Variants in PTPRM observed in about 807,000 individuals in gnomAD.
PTPRM encodes receptor-type tyrosine-protein phosphatase mu.
PTPRM carries 47 observed loss-of-function variants against 186.7 expected under a neutral mutation model. That is an observed-to-expected ratio of 0.25 (90% CI 0.20 to 0.32). PTPRM has a LOEUF of 0.32. Ranked by LOEUF, PTPRM falls within the 10% of genes least tolerant of loss-of-function variation. The probability of loss-of-function intolerance (pLI) is 1.00; values close to 1 mark genes in which losing one functional copy is unlikely to be tolerated. For synonymous variants in PTPRM, 668 were observed against 674.9 expected, an observed-to-expected ratio of 0.99 and a Z score of 0.16; for missense variants, 1,494 against 1,865.0, an observed-to-expected ratio of 0.80 and a Z score of 3.66.
At chr18:8,023,428 A>G (rs750609362) in intron 7 of PTPRM, among the ~76,000 whole-genome samples, 5 of 152,140 alleles carry the variant, frequency 3.3e-5, no homozygotes, top group Non-Finnish European at 7.4e-5. Context: ...AAAAGACCAT[A>G]TTGGTCATCT....
In PTPRM at chr18:7,759,354, A is replaced by G. The variant is rs113179070; in HGVS notation, c.74-14795A>G. 7.0e-3 allele frequency among the ~76,000 whole-genome samples: 1,065 copies of G among 152,348 alleles called. 12 individuals carry two copies. The highest frequency in any genetic ancestry group is 0.024 in the African/African-American group (1,009 of 41,576). On this transcript the variant is annotated intron_variant, in intron 1 of 32. Transcript: ENST00000580170. Reference sequence around the variant, plus strand: ...AAATATAAAATTACCCACTCAGACTATTAAAACCAAATATATGGTGACACT... The same window carrying G: ...AAATATAAAATTACCCACTCAGACTGTTAAAACCAAATATATGGTGACACT...
chr18:8,151,044 C>G (rs2080108), intron 14 of PTPRM, among the ~76,000 whole-genome samples: 4,578 of 152,276 alleles, frequency 0.03, 237 homozygotes, highest in African/African-American at 0.11. Context: ...GCTCAGAGCT[C>G]TCCTGTATGA....
intron 1 of PTPRM, among the ~76,000 whole-genome samples, chr18:7,741,036 T>C (rs531758290): frequency 3.9e-5 from 6 of 152,298 alleles, no homozygotes; most frequent in African/African-American, 1.4e-4. Context: ...AAGTGCTTTC[T>C]TTCCCCCGTG....
intron 14 of PTPRM, among the ~76,000 whole-genome samples, chr18:8,164,286 T>G (rs1316141917): frequency 6.6e-6 from 1 of 152,142 alleles, no homozygotes; most frequent in Non-Finnish European, 1.5e-5. Flanking sequence ...GTGAAAAAGG[T>G]TCTATGCTGG....
intron 14 of PTPRM, among the ~76,000 whole-genome samples, chr18:8,182,044 C>T (rs2093582921): frequency 6.6e-6 from 1 of 152,082 alleles, no homozygotes. Flanking sequence ...TCTAATTTAA[C>T]TATTTTTTTC....
intron 7 of PTPRM, among the ~76,000 whole-genome samples, chr18:8,037,493 T>C (rs1042644902): frequency 1.3e-5 from 2 of 152,176 alleles, no homozygotes; most frequent in African/African-American, 2.4e-5. Flanking sequence ...GAAGCCTATA[T>C]TGAGTTAACT....
chr18:8,267,723 C>T (rs1025839031), intron 19 of PTPRM, among the ~76,000 whole-genome samples: 1 of 152,170 alleles, frequency 6.6e-6, no homozygotes, highest in Admixed American at 6.5e-5. Context: ...AACCTGTTTT[C>T]ATGAAGGTTG....
intron 7 of PTPRM, among the ~76,000 whole-genome samples, chr18:8,051,736 T>C (rs1277576123): frequency 6.6e-6 from 1 of 152,202 alleles, no homozygotes; most frequent in African/African-American, 2.4e-5. Flanking sequence ...TCAGTAAATA[T>C]TTGGATTGTT....
At chr18:7,703,468 C>T (rs2040009480) in intron 1 of PTPRM, among the ~76,000 whole-genome samples, 2 of 152,176 alleles carry the variant, frequency 1.3e-5, no homozygotes, top group South Asian at 4.1e-4. Flanking sequence ...GTTTGCCTCT[C>T]TGTTGGTCTA....
intron 14 of PTPRM, among the ~76,000 whole-genome samples, chr18:8,196,633 G>T (rs2093782021): frequency 6.6e-6 from 1 of 152,228 alleles, no homozygotes; most frequent in African/African-American, 2.4e-5. Context: ...TCAACACGAA[G>T]TCAGTTAAGG....
intron 13 of PTPRM, among the ~76,000 whole-genome samples, chr18:8,138,584 G>A (rs377668935): frequency 6.6e-6 from 1 of 152,088 alleles, no homozygotes; most frequent in African/African-American, 2.4e-5. Flanking sequence ...GGAAAATGAA[G>A]CCATCAAAAG....
At chr18:8,289,398 GTATA>G (rs1393956158) in intron 19 of PTPRM, among the ~76,000 whole-genome samples, 1 of 138,370 alleles carries the variant, frequency 7.2e-6, no homozygotes, top group Non-Finnish European at 1.5e-5. Context: ...TTGTGTGTGT[GTATA>G]TATATATATA....
At chr18:8,292,807 C>T (rs2095056092) in intron 19 of PTPRM, among the ~76,000 whole-genome samples, 1 of 152,104 alleles carries the variant, frequency 6.6e-6, no homozygotes, top group African/African-American at 2.4e-5. Context: ...TTTTAATATT[C>T]TTTTGTTGTA....
chr18:8,336,307 C>T (rs12966511), intron 22 of PTPRM, among the ~76,000 whole-genome samples: 41,892 of 151,952 alleles, frequency 0.28, 6,455 homozygotes, highest in Middle Eastern at 0.52. Flanking sequence ...CCCTGCAATC[C>T]CAGCACTTTG....
chr18:8,101,939 C>T (rs2091308980), intron 11 of PTPRM, among the ~76,000 whole-genome samples: 1 of 152,148 alleles, frequency 6.6e-6, no homozygotes, highest in African/African-American at 2.4e-5. Flanking sequence ...CTAGTACAGG[C>T]ATATCTTGGA....
chr18:8,121,248 A>G (rs1282908588), intron 13 of PTPRM, among the ~76,000 whole-genome samples: 1 of 152,212 alleles, frequency 6.6e-6, no homozygotes, highest in South Asian at 2.1e-4. Flanking sequence ...AATATTATGC[A>G]GCAGCAGTTT....
intron 7 of PTPRM, among the ~76,000 whole-genome samples, chr18:7,991,449 AAGAAC>A (rs1397305059): frequency 6.6e-6 from 1 of 152,144 alleles, no homozygotes; most frequent in Non-Finnish European, 1.5e-5. Context: ...TGAGGTGACA[AAGAAC>A]AGAGGCAAAT....
rs146158724 is a variant in PTPRM, at chr18:8,039,679, T to C, written c.1133-30007T>C. ...TTTTTTGTAGTGAGAATACTTAAAATCTACTCTCCCAGCGATTTTCAAGTA... is the reference window on the plus strand; with the variant it reads ...TTTTTTGTAGTGAGAATACTTAAAACCTACTCTCCCAGCGATTTTCAAGTA... On this transcript the variant is annotated intron_variant, in intron 7 of 32. Coordinates refer to ENST00000580170, the MANE Select transcript of PTPRM (RefSeq NM_001105244.2). Among the ~76,000 whole-genome samples the C allele has an allele frequency of 6.2e-4, 95 of 152,306 alleles. 1 individual carries two copies. The highest frequency in any genetic ancestry group is 5.8e-3 in the East Asian group (30 of 5,178).
In PTPRM at chr18:8,233,133, T is replaced by C. The variant is rs144035328; in HGVS notation, c.2301-10925T>C. 4.1e-3 allele frequency among the ~76,000 whole-genome samples: 631 copies of C among 152,356 alleles called. 7 individuals carry two copies. Among genetic ancestry groups the C allele is most frequent in the Middle Eastern group, 0.01 (3 of 294 alleles). The stretch of plus-strand genomic sequence containing the variant: ...ATAAACAGTTTGCTGTTTGATCATA[T>C]AGCCTCCAGTGGAATGCTGAGCTAG... On this transcript the variant is annotated intron_variant, in intron 14 of 32. Transcript: ENST00000580170.
Sources: allele counts gnomAD v4.1 joint callset (sites outside exome capture counted in the v4.1 genomes callset), GRCh38; gene constraint gnomAD v4.1.1; transcripts MANE v1.5; gene names NCBI Gene and HGNC (gene_info 2026-07-23, HGNC 2026-07-21).